TPO: variants seen among roughly 807,000 people sequenced by gnomAD.
TPO encodes the protein thyroid peroxidase.
Under a neutral mutation model 96.9 loss-of-function variants are expected in TPO, and 78 were observed. The ratio of observed to expected loss-of-function variants is 0.81; its 90% confidence interval spans 0.67 to 0.97. The LOEUF is 0.97. Ranked by LOEUF, TPO falls within the 50% of genes least tolerant of loss-of-function variation. The pLI, the probability that TPO is intolerant of heterozygous loss-of-function variation, is 0.00. For synonymous variants in TPO, 547 were observed against 538.0 expected, an observed-to-expected ratio of 1.02 and a Z score of -0.23; for missense variants, 1,252 against 1,274.8, an observed-to-expected ratio of 0.98 and a Z score of 0.27.
chr2:1,472,297 T>C (rs1669497620), intron 7 of TPO, among the ~76,000 whole-genome samples: 1 of 152,110 alleles, frequency 6.6e-6, no homozygotes, highest in African/African-American at 2.4e-5. Context: ...ACTCATGCTA[T>C]GTCCTTCCCT....
At chr2:1,494,416 G>A (rs779026358) in intron 11 of TPO, among the ~76,000 whole-genome samples, 5 of 152,238 alleles carry the variant, frequency 3.3e-5, no homozygotes, top group East Asian at 1.9e-4. Flanking sequence ...TGACTCAGGC[G>A]CAGACACAGG....
chr2:1,409,034 C>T (rs1165922705), upstream of TPO, among the ~76,000 whole-genome samples: 2 of 152,170 alleles, frequency 1.3e-5, no homozygotes, highest in Non-Finnish European at 2.9e-5. Context: ...AAACGCAAAG[C>T]ACAGGGGAAT....
rs372374608 is a variant in TPO at position 1,444,667 on chromosome 2, A to G, written c.482+8283A>G. 1.9e-3 allele frequency among the ~76,000 whole-genome samples: 35 copies of G among 18,044 alleles called. 1 individual carries two copies. Among genetic ancestry groups the G allele is most frequent in the East Asian group, 4.4e-3 (2 of 456 alleles). The allele number at this position is 18,044 out of a possible 152,430, so 11.8% of individuals were successfully genotyped here. A position where few individuals can be genotyped will look rare whatever the true frequency, so the allele number is the denominator to read the frequency against. ...GGCTCCTTCTTGTTTGTATGATCCA[A>G]TCACTGCTGCAGGAGGCACCATGTT... On this transcript the variant is annotated intron_variant, in intron 5 of 16. Transcript: ENST00000329066.
intron 1 of TPO, among the ~76,000 whole-genome samples, chr2:1,380,650 A>C (rs1264591302): frequency 6.6e-6 from 1 of 152,190 alleles, no homozygotes; most frequent in Non-Finnish European, 1.5e-5. Flanking sequence ...CACAGCCCCC[A>C]GCTGAGTTAG....
intron 1 of TPO, among the ~76,000 whole-genome samples, chr2:1,406,477 T>C (rs1278261887): frequency 2.0e-5 from 3 of 152,246 alleles, no homozygotes; most frequent in African/African-American, 4.8e-5. Context: ...CTTCTCTGCT[T>C]CCAGACATGG....
intron 1 of TPO, among the ~76,000 whole-genome samples, chr2:1,397,495 A>G (rs944826371): frequency 6.6e-6 from 1 of 151,860 alleles, no homozygotes; most frequent in African/African-American, 2.4e-5. Context: ...GTGCAGAGGG[A>G]CTCCCATCTC....
intron 10 of TPO, among the ~76,000 whole-genome samples, chr2:1,492,153 TTTTG>T (rs892543957): frequency 4.3e-5 from 5 of 115,570 alleles, no homozygotes; most frequent in African/African-American, 2.0e-4. Flanking sequence ...TCAGGATTTT[TTTTG>T]TTTTTTGTTT....
intron 15 of TPO, among the ~76,000 whole-genome samples, chr2:1,531,096 A>C (rs1573602616): frequency 2.3e-5 from 1 of 42,706 alleles, no homozygotes; most frequent in Non-Finnish European, 4.2e-5. Context: ...ACTGTGTGCA[A>C]CCTCCCCAAA....
intron 15 of TPO, among the ~76,000 whole-genome samples, chr2:1,539,541 A>G (rs563983067): frequency 6.6e-6 from 1 of 152,234 alleles, no homozygotes; most frequent in African/African-American, 2.4e-5. Context: ...GCTGTCTTCC[A>G]TGTACACCTA....
intron 3 of TPO, among the ~76,000 whole-genome samples, chr2:1,423,534 G>A (rs1159506375): frequency 6.6e-6 from 1 of 152,036 alleles, no homozygotes; most frequent in Admixed American, 6.5e-5. Context: ...ATTAAATGGG[G>A]CTCTCCCCCA....
intron 1 of TPO, among the ~76,000 whole-genome samples, chr2:1,393,226 G>T (rs1464728265): frequency 2.0e-5 from 3 of 152,180 alleles, no homozygotes; most frequent in Non-Finnish European, 4.4e-5. Flanking sequence ...GAGGAGAGGA[G>T]AGGGAGGTTC....
chr2:1,532,476 C>A (rs1172963285), intron 15 of TPO, among the ~76,000 whole-genome samples: 1 of 126,266 alleles, frequency 7.9e-6, no homozygotes, highest in African/African-American at 3.1e-5. Context: ...CTCCTCAAAT[C>A]CCCCCCACAG....
chr2:1,397,411 T>G lies in TPO; in HGVS notation n.180+23009T>G, dbSNP rs569627791. Among the ~76,000 whole-genome samples, 98 of 152,292 alleles carry G rather than the reference T, an allele frequency of 6.4e-4. No individual in the cohort carries two copies. The Middle Eastern group carries it at 0.01, about 16-fold the overall frequency. ...CCTGAGTGCCCTGAGTGCCTGCAGA[T>G]GCCGTGGCCCAGGAGGAAGATACAC... On this transcript the variant is annotated intron_variant and non_coding_transcript_variant, in intron 1 of 5. Transcript: ENST00000497517.
chr2:1,532,379 C>T (rs1376097564), intron 15 of TPO, among the ~76,000 whole-genome samples: 3 of 91,872 alleles, frequency 3.3e-5, no homozygotes, highest in Non-Finnish European at 4.4e-5. Flanking sequence ...CAGTGCGCAA[C>T]CTCCTCAAAT....
At chr2:1,513,216 T>C (rs1276531273) in intron 14 of TPO, among the ~76,000 whole-genome samples, 2 of 152,212 alleles carry the variant, frequency 1.3e-5, no homozygotes, top group Non-Finnish European at 2.9e-5. Flanking sequence ...AACCCAAGCC[T>C]GCCTGCATGA....
At chr2:1,474,962 C>T (rs537473582) in intron 7 of TPO, among the ~76,000 whole-genome samples, 1 of 152,310 alleles carries the variant, frequency 6.6e-6, no homozygotes, top group East Asian at 1.9e-4. Context: ...TAACTAAATT[C>T]TTAAAATAGC....
Position 1,477,097 on chromosome 2 carries a change from GGCCC to G in TPO, c.833_836del (p.Ala278GlyfsTer39). 1 of 1,604,762 alleles carries G rather than the reference GGCCC, an allele frequency of 6.2e-7. No homozygotes were observed. The highest frequency in any genetic ancestry group is 8.5e-7 in the Non-Finnish European group (1 of 1,178,028). ...CCCTTTGCCTGCAGCTCCCGGAGGA[GGCCC>G]GGCCGGCCGCGGGCACCGCCTGTCT... is the stretch of plus-strand genomic sequence containing the variant. On this transcript the variant is annotated frameshift_variant, in exon 8 of 17. Transcript: ENST00000329066. LOFTEE classifies it high-confidence loss of function.
intron 5 of TPO, among the ~76,000 whole-genome samples, chr2:1,452,531 T>C (rs1261320759): frequency 1.3e-5 from 2 of 152,242 alleles, no homozygotes; most frequent in Non-Finnish European, 2.9e-5. Context: ...TGATTATTTT[T>C]ACCTTTGCAG....
intron 1 of TPO, among the ~76,000 whole-genome samples, chr2:1,402,262 T>A (rs1662183687): frequency 6.6e-6 from 1 of 152,150 alleles, no homozygotes; most frequent in African/African-American, 2.4e-5. Flanking sequence ...ACGGGAGGAC[T>A]CCCTGACTCT....
Sources: gnomAD v4.1 joint callset for allele counts (sites outside exome capture counted in the v4.1 genomes callset) on GRCh38, gnomAD v4.1.1 for gene constraint, MANE v1.5 for transcripts, NCBI Gene and HGNC (gene_info 2026-07-23, HGNC 2026-07-21) for gene names.